LHFPL2: variants seen among roughly 807,000 people sequenced by gnomAD.
The protein encoded by LHFPL2 is LHFPL tetraspan subfamily member 2.
In LHFPL2, 7 loss-of-function variants were observed where a neutral mutation model predicts 17.5. The observed-to-expected ratio is 0.40, with a 90% CI of 0.23 to 0.75. The LOEUF (loss-of-function observed/expected upper bound fraction) is 0.75. Among genes scored for constraint, LHFPL2 ranks in the 30% least tolerant of loss-of-function variants. LHFPL2 has a pLI of 0.37. For synonymous variants in LHFPL2, 134 were observed against 116.2 expected, an observed-to-expected ratio of 1.15 and a Z score of -0.99; for missense variants, 241 against 294.8, an observed-to-expected ratio of 0.82 and a Z score of 1.34.
intron 2 of LHFPL2, among the ~76,000 whole-genome samples, chr5:78,585,742 G>A (rs753841393): frequency 2.2e-4 from 33 of 152,130 alleles, no homozygotes; most frequent in Non-Finnish European, 3.8e-4. Context: ...GCTATATGCC[G>A]GGCACTGTGC....
chr5:78,585,055 G>GGAGT (rs1300498328), intron 2 of LHFPL2, among the ~76,000 whole-genome samples: 1 of 84,270 alleles, frequency 1.2e-5, no homozygotes, highest in Non-Finnish European at 2.5e-5. Context: ...CGCCCAGGCT[G>GGAGT]GAGTGCAGTG....
intron 2 of LHFPL2, among the ~76,000 whole-genome samples, chr5:78,586,424 AG>A (rs1743403571): frequency 6.6e-6 from 1 of 152,218 alleles, no homozygotes; most frequent in Non-Finnish European, 1.5e-5. Context: ...GGTAGAATAT[AG>A]GAACAGTCAT....
intron 3 of LHFPL2, among the ~76,000 whole-genome samples, chr5:78,552,477 G>A (rs1040149858): frequency 3.9e-5 from 6 of 152,286 alleles, no homozygotes; most frequent in South Asian, 4.1e-4. Context: ...CAAGGGCCCC[G>A]GCCTCTACAA....
At chr5:78,493,806 CAATT>C (rs966000024) in intron 4 of LHFPL2, among the ~76,000 whole-genome samples, 11 of 152,122 alleles carry the variant, frequency 7.2e-5, no homozygotes, top group Non-Finnish European at 1.5e-4. Context: ...ACTAATAAAA[CAATT>C]AAAATCAATA....
intron 4 of LHFPL2, among the ~76,000 whole-genome samples, chr5:78,509,326 G>A (rs776883879): frequency 6.6e-6 from 1 of 152,332 alleles, no homozygotes; most frequent in Admixed American, 6.5e-5. Context: ...AGCTGAGAGT[G>A]GATGCGGAAA....
chr5:78,598,332 G>C (rs1022392350), intron 2 of LHFPL2, among the ~76,000 whole-genome samples: 1 of 152,214 alleles, frequency 6.6e-6, no homozygotes, highest in Non-Finnish European at 1.5e-5. Flanking sequence ...ATGTGGAACA[G>C]GAAACCAAGG....
intron 3 of LHFPL2, among the ~76,000 whole-genome samples, chr5:78,558,271 GGACACCCCTACAC>G (rs1182297075): frequency 2.6e-5 from 4 of 152,004 alleles, no homozygotes; most frequent in African/African-American, 9.7e-5. Flanking sequence ...GATGATAAGG[GGACACCCCTACAC>G]GATCCCAGTG....
At chr5:78,557,538 G>A (rs1756610894) in intron 3 of LHFPL2, among the ~76,000 whole-genome samples, 1 of 152,320 alleles carries the variant, frequency 6.6e-6, no homozygotes, top group African/African-American at 2.4e-5. Flanking sequence ...GGCAGCCAGA[G>A]GAGACCAGCT....
chr5:78,523,212 A>G (rs1465896496), intron 3 of LHFPL2, among the ~76,000 whole-genome samples: 2 of 152,116 alleles, frequency 1.3e-5, no homozygotes, highest in Non-Finnish European at 2.9e-5. Flanking sequence ...GCTATATAGT[A>G]TGATGAATTT....
intron 3 of LHFPL2, among the ~76,000 whole-genome samples, chr5:78,554,217 C>T (rs116612200): frequency 8.3e-4 from 127 of 152,372 alleles, no homozygotes; most frequent in African/African-American, 3.0e-3. Context: ...GCACCTCAAG[C>T]CCCCGTTCCT....
intron 1 of LHFPL2, among the ~76,000 whole-genome samples, chr5:78,635,052 T>G (rs1276875770): frequency 3.9e-5 from 6 of 152,218 alleles, no homozygotes; most frequent in African/African-American, 1.4e-4. Context: ...CCCAGAGTTC[T>G]GGTCCCTCGG....
chr5:78,595,752 G>A (rs1419473228), intron 2 of LHFPL2, among the ~76,000 whole-genome samples: 3 of 152,170 alleles, frequency 2.0e-5, no homozygotes, highest in African/African-American at 4.8e-5. Context: ...CTGGCCTCAA[G>A]CAATCCTCCT....
chr5:78,517,586 A>G (rs1165006325), intron 3 of LHFPL2, among the ~76,000 whole-genome samples: 5 of 152,200 alleles, frequency 3.3e-5, no homozygotes, highest in Admixed American at 6.5e-5. Context: ...GCAAAGGTAC[A>G]CCTTACATGG....
chr5:78,607,088 T>C (rs1397744165), intron 2 of LHFPL2, among the ~76,000 whole-genome samples: 1 of 152,106 alleles, frequency 6.6e-6, no homozygotes, highest in Non-Finnish European at 1.5e-5. Context: ...CTTTTACTAA[T>C]CACATCCCAA....
chr5:78,590,988 A>ACAAATATTTCTGAGC (rs1743606999), intron 2 of LHFPL2, among the ~76,000 whole-genome samples: 1 of 152,038 alleles, frequency 6.6e-6, no homozygotes, highest in Non-Finnish European at 1.5e-5. Context: ...TAAAAATTAG[A>ACAAATATTTCTGAGC]CAAATATTTC....
chr5:78,519,143 C>G (rs972214076), intron 3 of LHFPL2, among the ~76,000 whole-genome samples: 5 of 152,088 alleles, frequency 3.3e-5, no homozygotes, highest in African/African-American at 1.2e-4. Flanking sequence ...CACTGAGAAC[C>G]CACACAGCCC....
chr5:78,504,082 G>A (rs1345334134), intron 4 of LHFPL2, among the ~76,000 whole-genome samples: 1 of 152,124 alleles, frequency 6.6e-6, no homozygotes, highest in Non-Finnish European at 1.5e-5. Context: ...TCCTATCAGT[G>A]GTATTTTAAA....
chr5:78,553,304 A>C (rs1206627924), intron 3 of LHFPL2, among the ~76,000 whole-genome samples: 1 of 152,126 alleles, frequency 6.6e-6, no homozygotes, highest in African/African-American at 2.4e-5. Context: ...GTCATTTTCA[A>C]GGCCCAATTG....
intron 2 of LHFPL2, among the ~76,000 whole-genome samples, chr5:78,618,028 C>A (rs1219460931): frequency 1.3e-5 from 2 of 152,052 alleles, no homozygotes; most frequent in East Asian, 3.9e-4. Context: ...CATGGTGAGA[C>A]CCCATCTCTA....
Sources: allele counts gnomAD v4.1 joint callset (sites outside exome capture counted in the v4.1 genomes callset), GRCh38; gene constraint gnomAD v4.1.1; transcripts MANE v1.5; gene names NCBI Gene and HGNC (gene_info 2026-07-23, HGNC 2026-07-21).